RAB31: variants seen among roughly 807,000 people sequenced by gnomAD.
The protein encoded by RAB31 is ras-related protein Rab-31.
In RAB31, 21 loss-of-function variants were observed where a neutral mutation model predicts 25.6. That is an observed-to-expected ratio of 0.82 (90% CI 0.58 to 1.18). RAB31 has a LOEUF of 1.18. Ranked by LOEUF, RAB31 falls within the 50% of genes most tolerant of loss-of-function variation. RAB31 has a pLI of 0.00. For missense variants in RAB31, 196 were observed against 250.1 expected (o/e 0.78, Z 1.46); for synonymous variants, 87 against 84.0 (o/e 1.04, Z -0.20).
intron 1 of RAB31, among the ~76,000 whole-genome samples, chr18:9,757,458 C>G (rs941065740): frequency 3.3e-5 from 5 of 152,362 alleles, no homozygotes; most frequent in Non-Finnish European, 5.9e-5. Flanking sequence ...GGAACCTTGT[C>G]ATCTCTGTGT....
At chr18:9,801,384 C>A (rs751794691) in intron 3 of RAB31, among the ~76,000 whole-genome samples, 1 of 151,358 alleles carries the variant, frequency 6.6e-6, no homozygotes. Flanking sequence ...TGCTTTCAAG[C>A]GATTCTCCTG....
At chr18:9,837,660 T>C (rs1456556085) in intron 5 of RAB31, among the ~76,000 whole-genome samples, 1 of 152,236 alleles carries the variant, frequency 6.6e-6, no homozygotes, top group Non-Finnish European at 1.5e-5. Flanking sequence ...AGAGAACATG[T>C]ACACGAATGT....
chr18:9,793,357 T>C (rs1468098985), intron 3 of RAB31, among the ~76,000 whole-genome samples: 1 of 151,964 alleles, frequency 6.6e-6, no homozygotes, highest in Non-Finnish European at 1.5e-5. Flanking sequence ...GGATTGCAGG[T>C]GTCAGTCATA....
At chr18:9,733,902 A>AT (rs2068136161) in intron 1 of RAB31, among the ~76,000 whole-genome samples, 1 of 151,734 alleles carries the variant, frequency 6.6e-6, no homozygotes, top group South Asian at 2.1e-4. Flanking sequence ...GTTACTGGGG[A>AT]GGGGGGGCTT....
intron 1 of RAB31, among the ~76,000 whole-genome samples, chr18:9,749,584 C>T (rs1288406928): frequency 1.3e-5 from 2 of 152,172 alleles, no homozygotes; most frequent in Non-Finnish European, 2.9e-5. Flanking sequence ...TTTCACATTT[C>T]GGTCTCCCAG....
At chr18:9,741,662 T>G (rs1309280286) in intron 1 of RAB31, among the ~76,000 whole-genome samples, 2 of 152,150 alleles carry the variant, frequency 1.3e-5, no homozygotes, top group Non-Finnish European at 2.9e-5. Flanking sequence ...TACATGTCCA[T>G]GGCAGCCCTC....
At chr18:9,765,414 C>G (rs1490712507) in intron 1 of RAB31, among the ~76,000 whole-genome samples, 2 of 152,188 alleles carry the variant, frequency 1.3e-5, no homozygotes, top group African/African-American at 2.4e-5. Flanking sequence ...TGAGTGAGAT[C>G]TGCTCTCTCT....
intron 2 of RAB31, among the ~76,000 whole-genome samples, chr18:9,779,611 C>T (rs574393497): frequency 8.5e-5 from 13 of 152,198 alleles, no homozygotes; most frequent in Admixed American, 6.5e-5. Flanking sequence ...AAGTATGCCC[C>T]GTGCAATATT....
chr18:9,792,588 A>G (rs2068466370), intron 3 of RAB31, among the ~76,000 whole-genome samples: 1 of 152,184 alleles, frequency 6.6e-6, no homozygotes, highest in Non-Finnish European at 1.5e-5. Context: ...CCCCAAAAGC[A>G]TCTCTACACC....
intron 3 of RAB31, among the ~76,000 whole-genome samples, 164 bp downstream of exon 3, chr18:9,792,399 C>CT (rs2068465303): frequency 6.6e-6 from 1 of 152,158 alleles, no homozygotes; most frequent in African/African-American, 2.4e-5. Context: ...TGTGAAAAGT[C>CT]TAAGTGGGTA....
intron 1 of RAB31, among the ~76,000 whole-genome samples, chr18:9,765,443 T>C (rs966116463): frequency 2.6e-5 from 4 of 152,188 alleles, no homozygotes; most frequent in Non-Finnish European, 4.4e-5. Context: ...AGGAATCTTA[T>C]AGAATGGGTG....
chr18:9,710,482 A>G (rs1455586), intron 1 of RAB31, among the ~76,000 whole-genome samples: 33,990 of 152,084 alleles, frequency 0.22, 4,796 homozygotes, highest in African/African-American at 0.4. Context: ...TTCTGTGTGT[A>G]GGAATTTGAA....
intron 3 of RAB31, chr18:9,797,386 GGA>G (rs1555688655): frequency 6.6e-6 from 1 of 152,158 alleles, no homozygotes; most frequent in Non-Finnish European, 1.5e-5. Flanking sequence ...TCCTGCTGGC[GGA>G]CGTTCCCTGA....
rs189017919 is a variant in RAB31, at chr18:9,775,489, T to C, written c.119+132T>C. 1,021 of 1,471,648 alleles carry C rather than the reference T, an allele frequency of 6.9e-4. 9 individuals carry two copies. In the African/African-American group the frequency reaches 0.013, roughly 19 times the overall value. 91.2% of individuals were successfully genotyped at this position (1,471,648 alleles called of 1,614,324 possible). The stretch of plus-strand genomic sequence containing the variant: ...AGCCAGTGAGAATCAATCCCAGCTG[T>C]AGACCGACAGAAATTCAGGGACTTC... On this transcript the variant is annotated intron_variant, in intron 2 of 6. Transcript: ENST00000578921.
chr18:9,736,706 A>G (rs1438234073), intron 1 of RAB31, among the ~76,000 whole-genome samples: 1 of 152,242 alleles, frequency 6.6e-6, no homozygotes, highest in South Asian at 2.1e-4. Flanking sequence ...ATTTGCCGAA[A>G]GCAAGAGAAG....
rs115739149 is a variant in RAB31 at position 9,835,331 on chromosome 18, C to T, written c.381-10251C>T. 5.1e-3 allele frequency among the ~76,000 whole-genome samples: 771 copies of T among 151,648 alleles called. 6 individuals are homozygous for T. The highest frequency in any genetic ancestry group is 0.018 in the African/African-American group (740 of 40,922). ...CGCTCAGAGGATTTGGAGCCGACAACTCTTTCCAGTGGTTCTTTCTCTGGC... is the reference window on the plus strand; with the variant it reads ...CGCTCAGAGGATTTGGAGCCGACAATTCTTTCCAGTGGTTCTTTCTCTGGC... On this transcript the variant is annotated intron_variant, in intron 5 of 6. Transcript: ENST00000578921.
rs1327209134 is a variant in RAB31, at chr18:9,806,324, T to C, written c.202-7696T>C. 2.6e-5 allele frequency among the ~76,000 whole-genome samples: 4 copies of C among 152,210 alleles called. No individual in the cohort carries two copies. The East Asian group carries it at 7.7e-4, about 29-fold the overall frequency. ...ACTTTTATTACATGCATTCAGTCATTAAATATTTGTCGAGTCCTTGCTATG... is the reference window on the plus strand; with the variant it reads ...ACTTTTATTACATGCATTCAGTCATCAAATATTTGTCGAGTCCTTGCTATG... On this transcript the variant is annotated intron_variant, in intron 3 of 6. Transcript: ENST00000578921.
At chr18:9,803,815 G>A (rs958143810) in intron 3 of RAB31, among the ~76,000 whole-genome samples, 3 of 152,364 alleles carry the variant, frequency 2.0e-5, no homozygotes, top group Middle Eastern at 3.4e-3. Flanking sequence ...TGTGCAGGTG[G>A]AGCAGGGACT....
intron 2 of RAB31, among the ~76,000 whole-genome samples, chr18:9,779,322 A>G (rs2068390082): frequency 6.6e-6 from 1 of 152,254 alleles, no homozygotes; most frequent in African/African-American, 2.4e-5. Flanking sequence ...TAGCTCTTCA[A>G]TCCCGTATTC....
Sources: allele counts gnomAD v4.1 joint callset (sites outside exome capture counted in the v4.1 genomes callset), GRCh38; gene constraint gnomAD v4.1.1; transcripts MANE v1.5; gene names NCBI Gene and HGNC (gene_info 2026-07-23, HGNC 2026-07-21).